The following MTRES1 variants were observed in gnomAD, a reference collection of about 807,000 sequenced individuals.
MTRES1 encodes uncharacterized protein C6orf203.
In MTRES1, 11 loss-of-function variants were observed where a neutral mutation model predicts 17.4. That is an observed-to-expected ratio of 0.63 (90% confidence interval 0.40 to 1.05). The LOEUF (loss-of-function observed/expected upper bound fraction) is 1.05, where lower values mean the gene tolerates loss of function less well. MTRES1 is among the 50% of genes least tolerant of loss of function. The pLI is 0.00. For synonymous variants in MTRES1, 94 were observed against 99.6 expected, an observed-to-expected ratio of 0.94 and a Z score of 0.34; for missense variants, 268 against 276.2, an observed-to-expected ratio of 0.97 and a Z score of 0.21.
intron 2 of MTRES1, among the ~76,000 whole-genome samples, 186 bp from the exon 3 acceptor site, chr6:107,044,074 A>G (rs1379452652): frequency 6.6e-6 from 1 of 152,332 alleles, no homozygotes; most frequent in South Asian, 2.1e-4. Flanking sequence ...GTGAGCCGAG[A>G]TGGCGCCACT....
intron 2 of MTRES1, 77 bp downstream of exon 2, chr6:107,040,307 C>T: frequency 7.4e-7 from 1 of 1,348,676 alleles, no homozygotes; most frequent in South Asian, 1.5e-5. Context: ...ATCACTTGGC[C>T]CATATTATGG....
At chr6:107,044,055 G>T (rs1219825136) in intron 2 of MTRES1, among the ~76,000 whole-genome samples, 1 of 152,176 alleles carries the variant, frequency 6.6e-6, no homozygotes, top group African/African-American at 2.4e-5. Flanking sequence ...CCAGGAGGTG[G>T]AGGTTGCAGT....
In MTRES1 at chr6:107,040,042, T is replaced by C. The variant is rs1207236459; in HGVS notation, c.282T>C (p.Thr94=). The C allele has an allele frequency of 3.1e-6, 5 of 1,613,186 alleles. No homozygotes were observed. The highest frequency in any genetic ancestry group is 4.2e-6 in the Non-Finnish European group (5 of 1,179,814). The part of the protein sequence containing the change: ...LKSNIRSTKS[T]KKSLQKVDEE... ...GTAATATAAGGTCTACAAAATCTACTAAAAAGTCTCTGCAAAAAGTAGATG... is the reference window on the plus strand; with the variant it reads ...GTAATATAAGGTCTACAAAATCTACCAAAAAGTCTCTGCAAAAAGTAGATG... The change falls in exon 2 of 4, where the codon ACT becomes ACC. Residue 94 remains threonine, a synonymous_variant. Coordinates refer to ENST00000311381, the MANE Select transcript of MTRES1 (RefSeq NM_016487.5).
chr6:107,050,176 C>A (rs1774546183), intron 3 of MTRES1, among the ~76,000 whole-genome samples: 1 of 151,076 alleles, frequency 6.6e-6, no homozygotes, highest in Admixed American at 6.6e-5. Context: ...TGCACTGTCT[C>A]AACTGAAGCT....
At chr6:107,050,551 C>CTTTTTTTTTTTT (rs142268482) in intron 3 of MTRES1, among the ~76,000 whole-genome samples, 4 of 81,514 alleles carry the variant, frequency 4.9e-5, no homozygotes, top group Non-Finnish European at 8.7e-5. Flanking sequence ...CTCTCCCTTT[C>CTTTTTTTTTTTT]TTTTTTTTTT....
At chr6:107,037,549 TA>T (rs1774053306) in intron 1 of MTRES1, among the ~76,000 whole-genome samples, 1 of 152,216 alleles carries the variant, frequency 6.6e-6, no homozygotes, top group Admixed American at 6.5e-5. Flanking sequence ...TCATCTCTAC[TA>T]AATAAATTAA....
intron 1 of MTRES1, among the ~76,000 whole-genome samples, chr6:107,034,603 C>T (rs1773947708): frequency 6.6e-6 from 1 of 152,176 alleles, no homozygotes; most frequent in Non-Finnish European, 1.5e-5. Flanking sequence ...ATCTGTGTGA[C>T]CCTATAACTG....
intron 1 of MTRES1, among the ~76,000 whole-genome samples, chr6:107,032,296 G>A (rs1444419861): frequency 6.6e-6 from 1 of 151,520 alleles, no homozygotes; most frequent in African/African-American, 2.4e-5. Flanking sequence ...GGTAAAACAC[G>A]CAATTCTTGT....
chr6:107,030,096 G>A (rs927214829), intron 1 of MTRES1: 37 of 718,138 alleles, frequency 5.2e-5, no homozygotes, highest in Non-Finnish European at 8.8e-5. Context: ...CCAGATTAGT[G>A]CTTGGCACAT....
In MTRES1 at chr6:107,039,982, A is replaced by T; in HGVS notation, c.222A>T (p.Pro74=). 2 of 1,613,826 alleles carry T rather than the reference A, an allele frequency of 1.2e-6. No individual in the cohort carries two copies. Among genetic ancestry groups the T allele is most frequent in the African/African-American group, 2.7e-5 (2 of 74,994 alleles). Reference sequence around the variant, plus strand: ...GACTCCCAGGGCTTTTACTATCTCCAGAATGTATTTTTCCTTTTTCCGTAA... The same window carrying T: ...GACTCCCAGGGCTTTTACTATCTCCTGAATGTATTTTTCCTTTTTCCGTAA... ...SLRLPGLLLS[P]ECIFPFSVRL... Residue 74 remains proline, a synonymous_variant, in exon 2 of 4, where the codon CCA becomes CCT. Transcript: ENST00000311381.
chr6:107,046,995 G>A (rs1774417481), intron 3 of MTRES1, among the ~76,000 whole-genome samples: 1 of 148,200 alleles, frequency 6.7e-6, no homozygotes, highest in Non-Finnish European at 1.5e-5. Flanking sequence ...GTAGAGACGG[G>A]GTTTCACTGT....
intron 3 of MTRES1, among the ~76,000 whole-genome samples, chr6:107,048,349 G>C (rs1363807178): frequency 6.6e-6 from 1 of 151,792 alleles, no homozygotes; most frequent in African/African-American, 2.4e-5. Context: ...TGGCCAGGCT[G>C]GTCTTGAACT....
chr6:107,038,105 ATTGGAGTCCC>A (rs1774071319), intron 1 of MTRES1, among the ~76,000 whole-genome samples: 1 of 152,158 alleles, frequency 6.6e-6, no homozygotes, highest in Non-Finnish European at 1.5e-5. Flanking sequence ...TAAGACTTAG[ATTGGAGTCCC>A]AAGAGTGGTG....
chr6:107,036,949 A>G (rs1283292134), intron 1 of MTRES1, among the ~76,000 whole-genome samples: 1 of 151,842 alleles, frequency 6.6e-6, no homozygotes, highest in Non-Finnish European at 1.5e-5. Context: ...ATCTTTCTCA[A>G]TTTTGTTTTT....
intron 1 of MTRES1, among the ~76,000 whole-genome samples, chr6:107,032,509 G>A (rs1000660957): frequency 2.0e-5 from 3 of 152,096 alleles, no homozygotes. Context: ...TTAGGAGTTC[G>A]AGACCAGCCT....
At chr6:107,040,868 G>GAA (rs782600150) in intron 2 of MTRES1, 4 of 124,938 alleles carry the variant, frequency 3.2e-5, no homozygotes, top group African/African-American at 8.8e-5. Context: ...GACTCCATCT[G>GAA]AAAAAAAAAA....
chr6:107,050,758 G>T (rs1312348461), intron 3 of MTRES1, among the ~76,000 whole-genome samples: 1 of 151,916 alleles, frequency 6.6e-6, no homozygotes, highest in African/African-American at 2.4e-5. Flanking sequence ...TTTATTTTTA[G>T]TAGAGACGGG....
At chr6:107,039,485 A>G (rs1442796637) in intron 1 of MTRES1, among the ~76,000 whole-genome samples, 2 of 151,482 alleles carry the variant, frequency 1.3e-5, no homozygotes, top group African/African-American at 2.4e-5. Flanking sequence ...ACACCCGGCT[A>G]ATTTTTGTAT....
At chr6:107,041,736 G>C (rs1774224773) in intron 2 of MTRES1, among the ~76,000 whole-genome samples, 1 of 151,842 alleles carries the variant, frequency 6.6e-6, no homozygotes, top group South Asian at 2.1e-4. Flanking sequence ...CACTGTGTTA[G>C]CCAGGATGGT....
Sources: gnomAD v4.1 joint callset for allele counts (sites outside exome capture counted in the v4.1 genomes callset) on GRCh38, gnomAD v4.1.1 for gene constraint, MANE v1.5 for transcripts, NCBI Gene and HGNC (gene_info 2026-07-23, HGNC 2026-07-21) for gene names.